SPATA6L: variants seen among roughly 807,000 people sequenced by gnomAD.
SPATA6L encodes spermatogenesis associated 6-like protein.
A neutral mutation model predicts 49.2 loss-of-function variants in SPATA6L; 68 were observed. The ratio of observed to expected loss-of-function variants is 1.38; its 90% CI spans 1.14 to 1.69. SPATA6L has a LOEUF of 1.69. SPATA6L is among the 40% of genes most tolerant of loss of function. SPATA6L has a pLI of 0.00. For synonymous variants in SPATA6L, 198 were observed against 165.7 expected (o/e 1.19, Z -1.50); for missense variants, 668 against 464.3 (o/e 1.44, Z -4.03).
intron 4 of SPATA6L, among the ~76,000 whole-genome samples, chr9:4,629,388 T>C (rs942346687): frequency 2.0e-5 from 3 of 152,166 alleles, no homozygotes; most frequent in Admixed American, 2.0e-4. Flanking sequence ...TTAACTCATC[T>C]AATCCTAACA....
intron 3 of SPATA6L, among the ~76,000 whole-genome samples, chr9:4,655,817 C>G (rs1474007228): frequency 6.6e-6 from 1 of 152,126 alleles, no homozygotes; most frequent in Non-Finnish European, 1.5e-5. Flanking sequence ...TCCCAAAGTG[C>G]TGGGATTACA....
rs997005874 is a variant in SPATA6L at position 4,604,207 on chromosome 9, G to A, written c.1152C>T (p.Tyr384=). The A allele has an allele frequency of 6.2e-7, 1 of 1,611,784 alleles. No homozygotes were observed. The highest frequency in any genetic ancestry group is 8.5e-7 in the Non-Finnish European group (1 of 1,178,470). The part of the protein sequence containing the change: ...IERPSYPLKK[Y]SLHEQRYF ...AAAAATATCTCTGTTCATGCAGTGAGTATTTCTTCAGAGGGTAGCTTGGTC... is the reference window on the plus strand; with the variant it reads ...AAAAATATCTCTGTTCATGCAGTGAATATTTCTTCAGAGGGTAGCTTGGTC... The change falls in exon 11 of 12, where the codon TAC becomes TAT. Residue 384 remains tyrosine, a synonymous_variant. Coordinates refer to ENST00000682582, the MANE Select transcript of SPATA6L (RefSeq NM_001353486.2).
chr9:4,591,655 T>C (rs12553697), intron 13 of SPATA6L, among the ~76,000 whole-genome samples: 15,856 of 152,248 alleles, frequency 0.1, 932 homozygotes, highest in Middle Eastern at 0.23. Flanking sequence ...AGAAAGAATG[T>C]GTCAACTTCA....
At chr9:4,603,818 G>A (rs989038800) in intron 11 of SPATA6L, among the ~76,000 whole-genome samples, 1 of 152,190 alleles carries the variant, frequency 6.6e-6, no homozygotes, top group Non-Finnish European at 1.5e-5. Flanking sequence ...AGGACAAATA[G>A]AAGTTATCCA....
At chr9:4,638,419 G>T (rs1833277454) in intron 3 of SPATA6L, among the ~76,000 whole-genome samples, 2 of 152,134 alleles carry the variant, frequency 1.3e-5, no homozygotes, top group South Asian at 4.1e-4. Context: ...CACCACGTTG[G>T]CCAGGCTGCT....
At chr9:4,620,076 T>C (rs1440781039) in intron 7 of SPATA6L, among the ~76,000 whole-genome samples, 1 of 152,100 alleles carries the variant, frequency 6.6e-6, no homozygotes, top group Non-Finnish European at 1.5e-5. Flanking sequence ...TTCATATCCT[T>C]TGGGCATATA....
intron 2 of SPATA6L, 125 bp downstream of exon 2, chr9:4,661,774 G>T: frequency 4.1e-6 from 4 of 964,738 alleles, no homozygotes; most frequent in Non-Finnish European, 5.6e-6. Context: ...GCATTGTGCT[G>T]AAGTGCTTTC....
chr9:4,611,605 A>C (rs1826737960), intron 9 of SPATA6L, among the ~76,000 whole-genome samples: 1 of 136,112 alleles, frequency 7.3e-6, no homozygotes, highest in Admixed American at 8.1e-5. Context: ...CAATGAGATC[A>C]CATGGACACA....
intron 8 of SPATA6L, 38 bp downstream of exon 8, chr9:4,618,826 G>C: frequency 6.3e-7 from 1 of 1,576,214 alleles, no homozygotes; most frequent in Non-Finnish European, 8.7e-7. Flanking sequence ...AAGATATCTG[G>C]AAGTAAATCA....
At chr9:4,615,462 T>C (rs1178948781) in intron 9 of SPATA6L, among the ~76,000 whole-genome samples, 1 of 152,202 alleles carries the variant, frequency 6.6e-6, no homozygotes, top group South Asian at 2.1e-4. Context: ...TCAGTAAACA[T>C]GAGGCAATTC....
chr9:4,658,576 A>G (rs369332910), intron 2 of SPATA6L, among the ~76,000 whole-genome samples: 33 of 152,366 alleles, frequency 2.2e-4, no homozygotes, highest in Middle Eastern at 3.4e-3. Context: ...CAACAGAGCC[A>G]TAGTGGCATC....
In SPATA6L at chr9:4,662,278, G is replaced by T. The variant is rs1005297516; in HGVS notation, c.40-242C>A. 124 of 1,433,822 alleles carry T rather than the reference G, an allele frequency of 8.6e-5. No homozygotes were observed. Among genetic ancestry groups the T allele is most frequent in the Middle Eastern group, 7.7e-4 (3 of 3,878 alleles). 88.8% of individuals were successfully genotyped at this position (1,433,822 alleles called of 1,614,324 possible). A position where few individuals can be genotyped will look rare whatever the true frequency, so the allele number is the denominator to read the frequency against. On this transcript the variant is annotated intron_variant, in intron 1 of 11. Transcript: ENST00000682582. This position sits in a 1 kb window ranked among gnomAD's most constrained non-coding sequence, Gnocchi z 4.9. Reference sequence around the variant, plus strand: ...CGCGCTCTCGCCGGCTCCTCTCCCCGCCCCTCCGGGATGGTAGTGCGGAAG... The same window carrying T: ...CGCGCTCTCGCCGGCTCCTCTCCCCTCCCCTCCGGGATGGTAGTGCGGAAG...
intron 3 of SPATA6L, among the ~76,000 whole-genome samples, chr9:4,645,427 G>C (rs918434870): frequency 2.6e-5 from 4 of 152,186 alleles, no homozygotes; most frequent in Non-Finnish European, 5.9e-5. Flanking sequence ...GAGGGGCTGT[G>C]TCTGGTGAGG....
At chr9:4,625,195 A>G in intron 6 of SPATA6L, 132 bp downstream of exon 6, 1 of 1,414,800 alleles carries the variant, frequency 7.1e-7, no homozygotes, top group Non-Finnish European at 9.3e-7. Context: ...TTTAATCACA[A>G]TTATTATTCA....
intron 13 of SPATA6L, among the ~76,000 whole-genome samples, chr9:4,590,606 A>G (rs1276658606): frequency 2.0e-5 from 3 of 152,172 alleles, no homozygotes; most frequent in African/African-American, 2.4e-5. Flanking sequence ...AAAATGAGAA[A>G]GGAATGCCAT....
chr9:4,596,128 C>T (rs141510266), downstream of SPATA6L, among the ~76,000 whole-genome samples: 842 of 152,280 alleles, frequency 5.5e-3, 2 homozygotes, highest in Non-Finnish European at 8.7e-3. Context: ...TGAAATATCT[C>T]GTTTAAGGTC....
chr9:4,637,890 A>C (rs2130593956), intron 3 of SPATA6L, among the ~76,000 whole-genome samples: 2 of 152,364 alleles, frequency 1.3e-5, no homozygotes, highest in Middle Eastern at 6.8e-3. Context: ...TGTTAAAAAA[A>C]GGAGAGAGAC....
intron 3 of SPATA6L, among the ~76,000 whole-genome samples, chr9:4,644,687 A>T (rs12335896): frequency 0.06 from 4,850 of 81,346 alleles, 193 homozygotes; most frequent in African/African-American, 0.28. Context: ...TCTCTCTCTC[A>T]CACACACACA....
chr9:4,663,390 TC>T, intron 1 of SPATA6L: 1 of 970,164 alleles, frequency 1.0e-6, no homozygotes, highest in Non-Finnish European at 1.6e-6. Context: ...ATTTCAGGTG[TC>T]CCATGATCTT....
Sources: gnomAD v4.1 joint callset for allele counts (sites outside exome capture counted in the v4.1 genomes callset) on GRCh38, gnomAD v4.1.1 for gene constraint, Gnocchi (gnomAD v3.1) non-coding constraint, MANE v1.5 for transcripts, NCBI Gene and HGNC (gene_info 2026-07-23, HGNC 2026-07-21) for gene names.